Variants in AUTS2 observed in about 807,000 individuals in gnomAD.
AUTS2 encodes the protein autism susceptibility gene 2 protein.
A neutral mutation model predicts 112.4 loss-of-function variants in AUTS2; 17 were observed. The observed-to-expected ratio is 0.15, with a 90% CI of 0.10 to 0.23. The LOEUF (loss-of-function observed/expected upper bound fraction) is 0.23, where lower values mean the gene tolerates loss of function less well. Among genes scored for constraint, AUTS2 ranks in the 10% least tolerant of loss-of-function variants. The pLI, the probability that AUTS2 is intolerant of heterozygous loss-of-function variation, is 1.00. For synonymous variants in AUTS2, 751 were observed against 702.7 expected, an observed-to-expected ratio of 1.07 and a Z score of -1.09; for missense variants, 1,510 against 1,701.6, an observed-to-expected ratio of 0.89 and a Z score of 1.98.
At chr7:70,375,859 CATTTTAA>C (rs773035300) in intron 4 of AUTS2, among the ~76,000 whole-genome samples, 3 of 152,094 alleles carry the variant, frequency 2.0e-5, no homozygotes, top group Non-Finnish European at 2.9e-5. Flanking sequence ...ACTTGCAACT[CATTTTAA>C]AACTTATTCC....
chr7:70,648,940 T>C (rs1563101179), intron 5 of AUTS2, among the ~76,000 whole-genome samples: 1 of 152,172 alleles, frequency 6.6e-6, no homozygotes, highest in Non-Finnish European at 1.5e-5. Context: ...AATGAGTTTA[T>C]TAAAATAATC....
intron 1 of AUTS2, among the ~76,000 whole-genome samples, chr7:69,716,866 A>G (rs1381522987): frequency 6.6e-6 from 1 of 152,170 alleles, no homozygotes; most frequent in African/African-American, 2.4e-5. Context: ...TATTAAGAAT[A>G]TTACAAAGGA....
At chr7:70,369,405 C>T (rs768875138) in intron 4 of AUTS2, among the ~76,000 whole-genome samples, 1 of 152,036 alleles carries the variant, frequency 6.6e-6, no homozygotes, top group Non-Finnish European at 1.5e-5. Flanking sequence ...TCTTTTATTG[C>T]CCTAATTGCT....
Position 70,763,261 on chromosome 7 carries a change from G to A in AUTS2, c.1134G>A (p.Val378=). The A allele has an allele frequency of 1.2e-6, 2 of 1,613,598 alleles. No individual in the cohort carries two copies. Among genetic ancestry groups the A allele is most frequent in the South Asian group, 1.1e-5 (1 of 90,954 alleles). ...TGCTCCATCAGAACCTCCCACCTGT[G>A]CAGGCCCACCCCTCTGCTCAGAGCC... ...TQLLHQNLPP[V]QAHPSAQSLS... Residue 378 remains valine, a synonymous_variant, in exon 7 of 19, where the codon GTG becomes GTA. Coordinates refer to ENST00000342771, the MANE Select transcript of AUTS2 (RefSeq NM_015570.4).
chr7:70,085,454 C>T (rs1234927447), intron 2 of AUTS2, among the ~76,000 whole-genome samples: 1 of 151,958 alleles, frequency 6.6e-6, no homozygotes, highest in Admixed American at 6.6e-5. Context: ...CAACCTCCGC[C>T]TCTGTGTTCA....
chr7:70,266,328 T>C (rs1185324360), intron 4 of AUTS2, among the ~76,000 whole-genome samples: 1 of 152,110 alleles, frequency 6.6e-6, no homozygotes, highest in Non-Finnish European at 1.5e-5. Flanking sequence ...CATTTAGATA[T>C]GAAATATCTA....
rs1156291506 is a variant in AUTS2 at position 70,363,476 on chromosome 7, A to G, written c.661-72276A>G. Among the ~76,000 whole-genome samples, 2 of 141,888 alleles carry G rather than the reference A, an allele frequency of 1.4e-5. 1 individual carries two copies. Among genetic ancestry groups the G allele is most frequent in the African/African-American group, 6.2e-5 (2 of 32,116 alleles). The allele number at this position is 141,888 out of a possible 152,430, so 93.1% of individuals were successfully genotyped here. Reference sequence around the variant, plus strand: ...TAATATAAAAAAAAGAAAAAAAAAAAAAAAAAAATCTGAAGCTATTGATAG... The same window carrying G: ...TAATATAAAAAAAAGAAAAAAAAAAGAAAAAAAATCTGAAGCTATTGATAG... On this transcript the variant is annotated intron_variant, in intron 4 of 18. Coordinates refer to ENST00000342771, the MANE Select transcript of AUTS2 (RefSeq NM_015570.4).
At chr7:70,190,254 C>A (rs771079030) in intron 4 of AUTS2, among the ~76,000 whole-genome samples, 4 of 152,066 alleles carry the variant, frequency 2.6e-5, no homozygotes, top group Admixed American at 1.3e-4. Context: ...AAAACCTGTG[C>A]TAGGTAATGC....
chr7:70,581,378 C>T (rs1802435399), intron 5 of AUTS2, among the ~76,000 whole-genome samples: 2 of 152,200 alleles, frequency 1.3e-5, no homozygotes, highest in South Asian at 4.1e-4. Flanking sequence ...AAGAGCGAAA[C>T]TCCGTCTCAA....
At chr7:69,764,172 C>T (rs948425161) in intron 1 of AUTS2, among the ~76,000 whole-genome samples, 2 of 152,212 alleles carry the variant, frequency 1.3e-5, no homozygotes, top group East Asian at 3.9e-4. Context: ...ATATTACTAG[C>T]GTAAATGAGA....
chr7:70,038,526 T>G (rs1801107590), intron 2 of AUTS2, among the ~76,000 whole-genome samples: 1 of 152,170 alleles, frequency 6.6e-6, no homozygotes, highest in Non-Finnish European at 1.5e-5. Flanking sequence ...TAAAAATAGA[T>G]TATTTTTATT....
intron 1 of AUTS2, among the ~76,000 whole-genome samples, chr7:69,686,976 A>G (rs117896583): frequency 0.014 from 2,183 of 152,312 alleles, 21 homozygotes; most frequent in Middle Eastern, 0.037. Context: ...TTACCTTGGT[A>G]TAGTAGATTG....
chr7:70,632,796 T>C (rs1402844375), intron 5 of AUTS2, among the ~76,000 whole-genome samples: 1 of 152,124 alleles, frequency 6.6e-6, no homozygotes, highest in African/African-American at 2.4e-5. Context: ...ATAGCCACGG[T>C]TGGCTTTTCC....
intron 5 of AUTS2, among the ~76,000 whole-genome samples, chr7:70,600,331 G>A (rs1454515051): frequency 6.6e-6 from 1 of 151,970 alleles, no homozygotes; most frequent in Non-Finnish European, 1.5e-5. Context: ...GCTGGAGTGC[G>A]GTGGTGCCAT....
At chr7:69,994,008 C>CT (rs1798845898) in intron 2 of AUTS2, among the ~76,000 whole-genome samples, 1 of 152,100 alleles carries the variant, frequency 6.6e-6, no homozygotes, top group Admixed American at 6.5e-5. Context: ...CCAAGAAAGT[C>CT]TCGCTTGTGA....
intron 5 of AUTS2, among the ~76,000 whole-genome samples, chr7:70,616,062 G>A (rs943861805): frequency 1.3e-5 from 2 of 152,098 alleles, no homozygotes; most frequent in African/African-American, 4.8e-5. Flanking sequence ...TTTTCTTTTA[G>A]CAGAGATAAA....
At chr7:70,548,556 G>A (rs900174532) in intron 5 of AUTS2, among the ~76,000 whole-genome samples, 3 of 152,030 alleles carry the variant, frequency 2.0e-5, no homozygotes, top group African/African-American at 4.8e-5. Flanking sequence ...ATTCATCTAT[G>A]TGGCTGAGGT....
At chr7:69,768,554 T>A (rs1445941549) in intron 1 of AUTS2, among the ~76,000 whole-genome samples, 1 of 152,192 alleles carries the variant, frequency 6.6e-6, no homozygotes, top group Non-Finnish European at 1.5e-5. Context: ...GCTCTGGACC[T>A]ATATAAGCTG....
At chr7:69,797,371 C>T (rs1004435718) in intron 1 of AUTS2, among the ~76,000 whole-genome samples, 4 of 152,114 alleles carry the variant, frequency 2.6e-5, no homozygotes, top group South Asian at 2.1e-4. Context: ...GTGCAGATCC[C>T]GAATCTGATC....
Sources: gnomAD v4.1 joint callset for allele counts (sites outside exome capture counted in the v4.1 genomes callset) on GRCh38, gnomAD v4.1.1 for gene constraint, MANE v1.5 for transcripts, NCBI Gene and HGNC (gene_info 2026-07-23, HGNC 2026-07-21) for gene names.